The following HIRA variants were observed in gnomAD, a reference collection of about 807,000 sequenced individuals.
The protein encoded by HIRA is histone cell cycle regulator.
Under a neutral mutation model 126.6 loss-of-function variants are expected in HIRA, and 13 were observed. That is an observed-to-expected ratio of 0.10 (90% CI 0.07 to 0.16). The LOEUF is 0.16. HIRA is among the 10% of genes least tolerant of loss of function. The pLI, the probability that HIRA is intolerant of heterozygous loss-of-function variation, is 1.00. For synonymous variants in HIRA, 511 were observed against 520.0 expected (o/e 0.98, Z 0.24); for missense variants, 834 against 1,314.4 (o/e 0.63, Z 5.65).
chr22:19,374,895 A>C (rs1301648245), intron 15 of HIRA, among the ~76,000 whole-genome samples: 5 of 152,178 alleles, frequency 3.3e-5, no homozygotes, highest in Non-Finnish European at 7.4e-5. Flanking sequence ...AGTCCAGCCC[A>C]CATCTGCCTC....
At chr22:19,359,198 T>C (rs2088840917) in intron 18 of HIRA, 138 bp downstream of exon 18, 1 of 871,164 alleles carries the variant, frequency 1.1e-6, no homozygotes, top group East Asian at 3.1e-5. Flanking sequence ...ATGCTTGGCC[T>C]GGAGTGAAGC....
intron 15 of HIRA, among the ~76,000 whole-genome samples, chr22:19,374,429 C>T (rs1436144102): frequency 2.0e-5 from 3 of 152,138 alleles, no homozygotes; most frequent in African/African-American, 7.2e-5. Flanking sequence ...TTTGGGATTA[C>T]AGGCATGAGC....
chr22:19,428,919 C>T (rs183668925), intron 1 of HIRA, among the ~76,000 whole-genome samples: 196 of 152,312 alleles, frequency 1.3e-3, no homozygotes, highest in African/African-American at 4.7e-3. Flanking sequence ...AGGCTTCCGG[C>T]TGAGCAGCCC....
At chr22:19,409,220 C>T (rs979382471) in intron 2 of HIRA, among the ~76,000 whole-genome samples, 6 of 152,052 alleles carry the variant, frequency 3.9e-5, no homozygotes, top group East Asian at 1.9e-4. Context: ...TTAGGGCTCC[C>T]GTGGTCATGA....
chr22:19,349,108 A>T (rs971317714), intron 24 of HIRA, among the ~76,000 whole-genome samples: 11 of 148,678 alleles, frequency 7.4e-5, no homozygotes, highest in African/African-American at 2.0e-4. Context: ...ACTTTTTTTT[A>T]AATTTTCCTT....
At chr22:19,416,311 T>C (rs1569312636) in intron 1 of HIRA, among the ~76,000 whole-genome samples, 1 of 152,174 alleles carries the variant, frequency 6.6e-6, no homozygotes. Flanking sequence ...AATTTCTTTT[T>C]CTTTTTTCTT....
intron 1 of HIRA, among the ~76,000 whole-genome samples, chr22:19,413,531 T>C (rs1354811443): frequency 6.6e-6 from 1 of 152,150 alleles, no homozygotes; most frequent in Non-Finnish European, 1.5e-5. Flanking sequence ...CCCGCCTCCT[T>C]ACAGCACTAG....
chr22:19,399,357 T>G (rs542249100), intron 5 of HIRA, among the ~76,000 whole-genome samples: 15 of 152,284 alleles, frequency 9.9e-5, no homozygotes, highest in South Asian at 2.1e-4. Context: ...TAACAGGTTT[T>G]TTTTTTTTTT....
chr22:19,389,310 C>CT (rs1365636770), intron 9 of HIRA, among the ~76,000 whole-genome samples: 1 of 152,170 alleles, frequency 6.6e-6, no homozygotes, highest in East Asian at 1.9e-4. Context: ...GGCATACACT[C>CT]TGACTCCACG....
At chr22:19,388,616 C>T (rs2089149177) in intron 9 of HIRA, 62 bp from the exon 10 acceptor site, 1 of 1,366,366 alleles carries the variant, frequency 7.3e-7, no homozygotes, top group Non-Finnish European at 1.0e-6. Flanking sequence ...GTATTCAGCT[C>T]AGTTAACATA....
chr22:19,402,729 G>C (rs2089279061), intron 5 of HIRA, among the ~76,000 whole-genome samples: 1 of 152,120 alleles, frequency 6.6e-6, no homozygotes, highest in African/African-American at 2.4e-5. Context: ...GTCTTTTCTT[G>C]ATATAAACCG....
chr22:19,396,969 G>A (rs751782502), intron 6 of HIRA, 22 bp from the exon 7 acceptor site: 3 of 1,612,634 alleles, frequency 1.9e-6, no homozygotes, highest in Non-Finnish European at 2.5e-6. Context: ...AAAGGAATGT[G>A]GAGAGGTGTT....
At position 19,410,735 on chromosome 22, in the gene HIRA, C is replaced by T. The variant is rs2089345694; in HGVS notation, c.81G>A (p.Lys27=). 1 of 1,613,944 alleles carries T rather than the reference C, an allele frequency of 6.2e-7. No homozygotes were observed. Among genetic ancestry groups the T allele is most frequent in the Non-Finnish European group, 8.5e-7 (1 of 1,179,926 alleles). Residue 27 remains lysine (K), a synonymous_variant, in exon 2 of 25, where the codon AAG becomes AAA. Coordinates refer to ENST00000263208, the MANE Select transcript of HIRA (RefSeq NM_003325.4). The part of the protein sequence containing the change: ...FSVDIHPDGT[K]FATGGQGQDS... Reference sequence around the variant, plus strand: ...ACATACCTTGTCCTCCAGTTGCGAACTTGGTCCCGTCAGGGTGAATATCAA... The same window carrying T: ...ACATACCTTGTCCTCCAGTTGCGAATTTGGTCCCGTCAGGGTGAATATCAA...
At chr22:19,394,558 C>T in intron 7 of HIRA, 49 bp from the exon 8 acceptor site, 2 of 1,577,166 alleles carry the variant, frequency 1.3e-6, no homozygotes, top group Non-Finnish European at 1.7e-6. Context: ...ACCTTTGTGA[C>T]CAAAACTCTG....
chr22:19,373,887 C>A (rs2088990866), intron 15 of HIRA, among the ~76,000 whole-genome samples: 1 of 94,178 alleles, frequency 1.1e-5, no homozygotes, highest in South Asian at 4.0e-4. Context: ...TCAGTCAAGA[C>A]CCCTAGCCTT....
intron 1 of HIRA, among the ~76,000 whole-genome samples, chr22:19,431,212 A>G (rs1407077003): frequency 6.6e-6 from 1 of 152,218 alleles, no homozygotes; most frequent in Non-Finnish European, 1.5e-5. Context: ...ACTCAGAGCA[A>G]GAGCCAGGGG....
At chr22:19,355,902 T>G in intron 20 of HIRA, 37 bp from the exon 21 acceptor site, 2 of 1,414,834 alleles carry the variant, frequency 1.4e-6, no homozygotes, top group Non-Finnish European at 2.0e-6. Context: ...GGGTGTGCTC[T>G]GATCAGCAAG....
At chr22:19,342,553 AT>A (rs1307633462) in intron 24 of HIRA, among the ~76,000 whole-genome samples, 2 of 152,080 alleles carry the variant, frequency 1.3e-5, no homozygotes, top group African/African-American at 4.8e-5. Flanking sequence ...TGGTTGGCTA[AT>A]TTTTTGTATT....
chr22:19,372,082 A>C (rs181085356), intron 15 of HIRA, among the ~76,000 whole-genome samples: 1 of 152,350 alleles, frequency 6.6e-6, no homozygotes, highest in East Asian at 1.9e-4. Context: ...CATTCCTACC[A>C]GCATGTATAT....
Sources: allele counts gnomAD v4.1 joint callset (sites outside exome capture counted in the v4.1 genomes callset), GRCh38; gene constraint gnomAD v4.1.1; transcripts MANE v1.5; gene names NCBI Gene and HGNC (gene_info 2026-07-23, HGNC 2026-07-21).